Variants in SPIDR observed in about 807,000 individuals in gnomAD.
The protein encoded by SPIDR is scaffold protein involved in DNA repair.
A neutral mutation model predicts 104.6 loss-of-function variants in SPIDR; 93 were observed. The ratio of observed to expected loss-of-function variants is 0.89; its 90% CI spans 0.75 to 1.06. The LOEUF (loss-of-function observed/expected upper bound fraction) is 1.06. SPIDR is among the 50% of genes least tolerant of loss of function. The pLI is 0.00. For synonymous variants in SPIDR, 431 were observed against 416.9 expected (o/e 1.03, Z -0.41); for missense variants, 1,154 against 1,111.2 (o/e 1.04, Z -0.55).
intron 8 of SPIDR, among the ~76,000 whole-genome samples, chr8:47,533,274 C>T (rs2086324831): frequency 6.6e-6 from 1 of 152,060 alleles, no homozygotes; most frequent in African/African-American, 2.4e-5. Flanking sequence ...AAATTCTCAA[C>T]TCAAAGTGGA....
intron 7 of SPIDR, among the ~76,000 whole-genome samples, chr8:47,412,458 T>C (rs1403622081): frequency 6.6e-6 from 1 of 152,188 alleles, no homozygotes; most frequent in Admixed American, 6.5e-5. Context: ...GTAACTCTCC[T>C]CTTCAAGTCC....
chr8:47,441,145 T>A (rs1447307881), intron 8 of SPIDR, among the ~76,000 whole-genome samples: 1 of 152,218 alleles, frequency 6.6e-6, no homozygotes, highest in Non-Finnish European at 1.5e-5. Context: ...TTTATAAGTT[T>A]TCATTTTGTA....
At chr8:47,578,387 G>A (rs563763721) in intron 8 of SPIDR, among the ~76,000 whole-genome samples, 1 of 152,228 alleles carries the variant, frequency 6.6e-6, no homozygotes, top group Admixed American at 6.5e-5. Flanking sequence ...CAGGAGAATG[G>A]CGTGAACCTG....
intron 5 of SPIDR, among the ~76,000 whole-genome samples, chr8:47,385,346 A>G (rs988509892): frequency 6.6e-6 from 1 of 152,178 alleles, no homozygotes; most frequent in Admixed American, 6.5e-5. Context: ...TAATGGCTGC[A>G]TGATATTTTC....
At chr8:47,688,026 T>TGTGTGTGTGTGTGTGTGTGTGTGC (rs1212857690) in intron 11 of SPIDR, among the ~76,000 whole-genome samples, 7 of 151,468 alleles carry the variant, frequency 4.6e-5, no homozygotes, top group Non-Finnish European at 7.4e-5. Context: ...AGTGTGTGTG[T>TGTGTGTGTGTGTGTGTGTGTGTGC]GTGTGTGTGT....
intron 8 of SPIDR, among the ~76,000 whole-genome samples, chr8:47,509,132 C>A (rs1209439268): frequency 2.0e-5 from 3 of 152,112 alleles, no homozygotes; most frequent in Non-Finnish European, 4.4e-5. Context: ...CCCTACAGAC[C>A]CTCTCATTAA....
rs575504068 is a variant in SPIDR at position 47,405,690 on chromosome 8, C to T, written c.777-2171C>T. On this transcript the variant is annotated intron_variant, in intron 6 of 19. Coordinates refer to ENST00000297423, the MANE Select transcript of SPIDR (RefSeq NM_001080394.4). ...TGAATTCATCATATTTTTATTCCAT[C>T]GGAGTTTGGCCTTTATAAATAACTT... Among the ~76,000 whole-genome samples, 12 of 152,254 alleles carry T rather than the reference C, an allele frequency of 7.9e-5. No homozygotes were observed. In the South Asian group the frequency reaches 8.3e-4, roughly 11 times the overall value.
intron 8 of SPIDR, among the ~76,000 whole-genome samples, chr8:47,560,301 C>T (rs2056898521): frequency 6.6e-6 from 1 of 152,202 alleles, no homozygotes; most frequent in African/African-American, 2.4e-5. Flanking sequence ...GGGAAGACTT[C>T]TCCTCTCCAC....
chr8:47,366,204 C>T (rs6989067), intron 5 of SPIDR, among the ~76,000 whole-genome samples: 4,364 of 152,094 alleles, frequency 0.029, 220 homozygotes, highest in African/African-American at 0.098. Flanking sequence ...TGAACAGAGG[C>T]TGAAGGTGGG....
Position 47,720,804 on chromosome 8 carries a change from C to T in SPIDR, c.2342-6396C>T, listed in dbSNP as rs180780455. Among the ~76,000 whole-genome samples the T allele has an allele frequency of 3.8e-3, 579 of 152,042 alleles. 2 individuals carry two copies. Among genetic ancestry groups the T allele is most frequent in the Non-Finnish European group, 6.0e-3 (406 of 67,982 alleles). On this transcript the variant is annotated intron_variant, in intron 16 of 19. Coordinates refer to ENST00000297423, the MANE Select transcript of SPIDR (RefSeq NM_001080394.4). ...ATGGAGTCTCTCTCTGTTGCCCAGG[C>T]TGGAGTGCAGTGGTGCAGTCTTGGC...
chr8:47,624,886 A>T (rs1185779374), intron 10 of SPIDR, among the ~76,000 whole-genome samples: 2 of 152,250 alleles, frequency 1.3e-5, no homozygotes, highest in African/African-American at 2.4e-5. Flanking sequence ...AACTCATTTT[A>T]TGAGGCCGGC....
At position 47,327,575 on chromosome 8, in the gene SPIDR, C is replaced by A. The variant is rs572963335; in HGVS notation, c.525+33545C>A. ...ACCAGCACACTTGGCTAATTTTTTC[C>A]CCCTCGAGGCAGAGTCCTGTTCTGT... On this transcript the variant is annotated intron_variant, in intron 5 of 19. Coordinates refer to ENST00000297423, the MANE Select transcript of SPIDR (RefSeq NM_001080394.4). Among the ~76,000 whole-genome samples the A allele has an allele frequency of 5.3e-5, 8 of 151,830 alleles. No individual in the cohort carries two copies. The South Asian group carries it at 1.5e-3, about 28-fold the overall frequency.
In SPIDR at chr8:47,407,968, C is replaced by G. The variant is rs1554668501; in HGVS notation, c.877+7C>G. 2 of 1,509,512 alleles carry G rather than the reference C, an allele frequency of 1.3e-6. No homozygotes were observed. The highest frequency in any genetic ancestry group is 1.8e-6 in the Non-Finnish European group (2 of 1,101,686). 93.5% of individuals were successfully genotyped at this position (1,509,512 alleles called of 1,614,324 possible). On this transcript the variant is annotated splice_region_variant and intron_variant, in intron 7 of 19. Coordinates refer to ENST00000297423, the MANE Select transcript of SPIDR (RefSeq NM_001080394.4). ...TACCAAAAGACACTTTCAGGTAAGG[C>G]TTGTGCAGGAATCTGAGACAATGTG...
At chr8:47,545,071 TTTTCTTTCTTTCTTTCTTTCTTTCTTTC>T (rs566816481) in intron 8 of SPIDR, among the ~76,000 whole-genome samples, 307 of 124,778 alleles carry the variant, frequency 2.5e-3, no homozygotes, top group Middle Eastern at 9.0e-3. Flanking sequence ...TCTTTTTATC[TTTTCTTTCTTTCTTTCTTTCTTTCTTTC>T]TTTCTTTCTT....
Position 47,434,385 on chromosome 8 carries a change from GA to G in SPIDR, c.878-5936del, listed in dbSNP as rs562496029. Among the ~76,000 whole-genome samples the G allele has an allele frequency of 2.4e-3, 362 of 152,254 alleles. 1 individual carries two copies. The highest frequency in any genetic ancestry group is 4.2e-3 in the Non-Finnish European group (286 of 68,020). ...CGGTGGACACTTGATGAATTGACCT[GA>G]AGAAGACAAAAGTACCAATTTCAGG... On this transcript the variant is annotated intron_variant, in intron 7 of 19. Transcript: ENST00000297423.
intron 8 of SPIDR, among the ~76,000 whole-genome samples, chr8:47,565,350 T>TAG (rs2057654234): frequency 6.6e-6 from 1 of 152,206 alleles, no homozygotes; most frequent in Admixed American, 6.5e-5. Context: ...AACATTGAGT[T>TAG]AGAGTACAGA....
intron 10 of SPIDR, among the ~76,000 whole-genome samples, chr8:47,606,507 C>T (rs965531304): frequency 2.1e-4 from 32 of 152,026 alleles, no homozygotes; most frequent in African/African-American, 7.7e-4. Flanking sequence ...GCCTGGGCAA[C>T]AGAGCGAGAC....
intron 5 of SPIDR, among the ~76,000 whole-genome samples, chr8:47,307,631 C>T (rs587711708): frequency 3.5e-4 from 52 of 150,196 alleles, no homozygotes; most frequent in Non-Finnish European, 2.4e-4. Flanking sequence ...CTCTGCCTCC[C>T]GGGTTCAAGC....
At chr8:47,616,578 T>G (rs930421382) in intron 10 of SPIDR, among the ~76,000 whole-genome samples, 1 of 152,210 alleles carries the variant, frequency 6.6e-6, no homozygotes, top group African/African-American at 2.4e-5. Context: ...TTCTTTGCAG[T>G]GATATTCTCT....
Sources: allele counts gnomAD v4.1 joint callset (sites outside exome capture counted in the v4.1 genomes callset), GRCh38; gene constraint gnomAD v4.1.1; transcripts MANE v1.5; gene names NCBI Gene and HGNC (gene_info 2026-07-23, HGNC 2026-07-21).